The following KIF24 variants were observed in gnomAD, a reference collection of about 807,000 sequenced individuals.
KIF24 encodes the protein kinesin-like protein KIF24.
Under a neutral mutation model 118.9 loss-of-function variants are expected in KIF24, and 81 were observed. That is an observed-to-expected ratio of 0.68 (90% CI 0.57 to 0.82). The LOEUF (loss-of-function observed/expected upper bound fraction) is 0.82, where lower values mean the gene tolerates loss of function less well. KIF24 is among the 40% of genes least tolerant of loss of function. The pLI is 0.00. For missense variants in KIF24, 1,560 were observed against 1,661.6 expected (o/e 0.94, Z 1.06); for synonymous variants, 599 against 610.0 (o/e 0.98, Z 0.27).
chr9:34,266,749 G>A (rs923108527), intron 8 of KIF24, among the ~76,000 whole-genome samples: 9 of 151,566 alleles, frequency 5.9e-5, no homozygotes, highest in South Asian at 2.1e-4. Flanking sequence ...TGGCTGATTC[G>A]AGGTCTGGAG....
upstream of KIF24, among the ~76,000 whole-genome samples, chr9:34,330,057 A>G (rs1443422433): frequency 1.3e-5 from 2 of 152,240 alleles, no homozygotes; most frequent in Non-Finnish European, 2.9e-5. Flanking sequence ...AGAAGTAAAG[A>G]AAGTCGAACA....
chr9:34,331,108 C>G (rs1837919329), upstream of KIF24, among the ~76,000 whole-genome samples: 1 of 152,072 alleles, frequency 6.6e-6, no homozygotes, highest in South Asian at 2.1e-4. Flanking sequence ...AATAAGGAAA[C>G]AAATCCATTC....
chr9:34,268,131 T>C (rs1310757254), intron 8 of KIF24, among the ~76,000 whole-genome samples: 1 of 152,180 alleles, frequency 6.6e-6, no homozygotes, highest in Non-Finnish European at 1.5e-5. Flanking sequence ...GCATTATGGC[T>C]ACATTAAAAA....
rs59096691 is a variant in KIF24, at chr9:34,316,034, C to A, written c.-25-4663G>T. Among the ~76,000 whole-genome samples, 5 of 146,830 alleles carry A rather than the reference C, an allele frequency of 3.4e-5. No individual in the cohort carries two copies. The South Asian group carries it at 8.6e-4, about 25-fold the overall frequency. On this transcript the variant is annotated intron_variant, in intron 1 of 12. Coordinates refer to ENST00000402558, the MANE Select transcript of KIF24 (RefSeq NM_194313.4). The stretch of plus-strand genomic sequence containing the variant: ...ACAGAGCAAGACTCTGTCACCCCCC[C>A]AAAAAAAAAAATTTTTTTAGAAATG...
rs141032769 is a variant in KIF24, at chr9:34,257,313, C to T, written c.2294G>A (p.Arg765His). The T allele has an allele frequency of 2.9e-5, 47 of 1,613,902 alleles. No homozygotes were observed. The highest frequency in any genetic ancestry group is 3.7e-5 in the Non-Finnish European group (44 of 1,179,896). The change falls in exon 11 of 13, where the codon CGT becomes CAT. Residue 765 changes from arginine to histidine, a missense_variant. Around this residue, in one of 3 missense-constraint regions of KIF24, gnomAD observed 964 missense variants for 988.0 expected, o/e 0.98. Transcript: ENST00000402558. ...PHQKEREEHL[R>H]FYHQQFQQPP... The stretch of plus-strand genomic sequence containing the variant: ...CTGTTGGAACTGCTGGTGATAGAAA[C>T]GCAGATGTTCCTCCCTCTCCTTCTG...
At chr9:34,319,591 G>A in intron 1 of KIF24, 1 of 985,764 alleles carries the variant, frequency 1.0e-6, no homozygotes, top group Admixed American at 1.8e-5. Flanking sequence ...ACCCAGAGCG[G>A]CTCCCTGCTG....
upstream of KIF24, among the ~76,000 whole-genome samples, chr9:34,333,261 C>T (rs57932502): frequency 6.6e-6 from 1 of 152,100 alleles, no homozygotes; most frequent in African/African-American, 2.4e-5. Context: ...CCCTCTCCCC[C>T]CAACTAAAAC....
chr9:34,276,366 C>T (rs1010203666), intron 6 of KIF24, among the ~76,000 whole-genome samples: 3 of 145,384 alleles, frequency 2.1e-5, no homozygotes, highest in African/African-American at 5.1e-5. Flanking sequence ...CGTGCCATTG[C>T]ACTCCAGCCT....
chr9:34,270,864 G>A lies in KIF24; in HGVS notation c.1337+945C>T, dbSNP rs561536146. On this transcript the variant is annotated intron_variant, in intron 7 of 12. Coordinates refer to ENST00000402558, the MANE Select transcript of KIF24 (RefSeq NM_194313.4). ...AGCCTGGGCAAAACAGAGAGACCCC[G>A]TCTCAACCCTGGAGATCAATGGGGT... Among the ~76,000 whole-genome samples, 9 of 147,704 alleles carry A rather than the reference G, an allele frequency of 6.1e-5. No homozygotes were observed. In the South Asian group the frequency reaches 1.5e-3, roughly 25 times the overall value.
intron 1 of KIF24, among the ~76,000 whole-genome samples, chr9:34,316,462 G>T (rs558395506): frequency 2.3e-4 from 35 of 151,908 alleles, no homozygotes; most frequent in Non-Finnish European, 2.4e-4. Context: ...AATTCTTTAC[G>T]AGTCCCATCA....
At chr9:34,296,140 A>C (rs1836462989) in intron 4 of KIF24, among the ~76,000 whole-genome samples, 1 of 145,482 alleles carries the variant, frequency 6.9e-6, no homozygotes. Flanking sequence ...AATGGCGTGA[A>C]CCCGGGAGGC....
At position 34,284,438 on chromosome 9, in the gene KIF24, A is replaced by T. The variant is rs563967019; in HGVS notation, c.1215+2179T>A. On this transcript the variant is annotated intron_variant, in intron 6 of 12. Transcript: ENST00000402558. ...ATAACTCTAAAATAGAAACAACCCCAGTTGTTTATTAACAGGAGAATGGAT... is the reference window on the plus strand; with the variant it reads ...ATAACTCTAAAATAGAAACAACCCCTGTTGTTTATTAACAGGAGAATGGAT... Among the ~76,000 whole-genome samples, 6 of 152,272 alleles carry T rather than the reference A, an allele frequency of 3.9e-5. No individual in the cohort carries two copies. In the South Asian group the frequency reaches 1.2e-3, roughly 32 times the overall value.
intron 7 of KIF24, among the ~76,000 whole-genome samples, chr9:34,270,178 G>A (rs79645455): frequency 0.12 from 17,321 of 147,664 alleles, 1,309 homozygotes; most frequent in East Asian, 0.23. Context: ...CCAAGATCAC[G>A]CCACTACACT....
In KIF24 at chr9:34,252,463, A is replaced by AATT. The variant is rs976624311; in HGVS notation, c.*1914_*1916dup. The AATT allele has an allele frequency of 1.3e-5, 1 of 75,854 alleles. No individual in the cohort carries two copies. The highest frequency in any genetic ancestry group is 1.5e-4 in the Admixed American group (1 of 6,490). 4.7% of individuals were successfully genotyped at this position (75,854 alleles called of 1,614,324 possible). ...GGATATACAGTCTTGAATCTAAAAT[A>AATT]ATTTGCTAACTAACTATTTTGATTC... On this transcript the variant is annotated 3_prime_UTR_variant, in exon 13 of 13. Coordinates refer to ENST00000402558, the MANE Select transcript of KIF24 (RefSeq NM_194313.4).
At chr9:34,285,556 T>C (rs1211126390) in intron 6 of KIF24, among the ~76,000 whole-genome samples, 7 of 151,550 alleles carry the variant, frequency 4.6e-5, no homozygotes, top group Non-Finnish European at 4.4e-5. Flanking sequence ...GGGCGGATCA[T>C]GAGGTCAGGA....
intron 3 of KIF24, among the ~76,000 whole-genome samples, chr9:34,302,287 C>T (rs761284086): frequency 2.6e-5 from 4 of 151,666 alleles, no homozygotes; most frequent in Admixed American, 6.6e-5. Flanking sequence ...AATGCCAGCG[C>T]GGTGCCTGGC....
intron 1 of KIF24, among the ~76,000 whole-genome samples, chr9:34,311,758 G>A (rs200454682): frequency 1.1e-3 from 131 of 120,880 alleles, no homozygotes; most frequent in African/African-American, 3.7e-3. Flanking sequence ...GTATATATGT[G>A]TATATATACA....
At chr9:34,330,678 G>A (rs185572798), upstream of KIF24, among the ~76,000 whole-genome samples, 1 of 152,010 alleles carries the variant, frequency 6.6e-6, no homozygotes, top group Admixed American at 6.6e-5. Context: ...AAAAATGGTA[G>A]CGGCCGGGCG....
At chr9:34,288,271 A>G (rs1404508048) in intron 5 of KIF24, among the ~76,000 whole-genome samples, 2 of 151,812 alleles carry the variant, frequency 1.3e-5, no homozygotes, top group Admixed American at 6.6e-5. Context: ...GGATTGTTTG[A>G]GCCCAGGAGT....
Sources: allele counts gnomAD v4.1 joint callset (sites outside exome capture counted in the v4.1 genomes callset), GRCh38; gene constraint gnomAD v4.1.1; regional missense constraint gnomAD v4.1.1; transcripts MANE v1.5; gene names NCBI Gene and HGNC (gene_info 2026-07-23, HGNC 2026-07-21).